The following DGKD variants were observed in gnomAD, a reference collection of about 807,000 sequenced individuals.
The protein encoded by DGKD is diacylglycerol kinase delta, also known as DAG kinase delta.
Under a neutral mutation model 154.4 loss-of-function variants are expected in DGKD, and 68 were observed. The ratio of observed to expected loss-of-function variants is 0.44; its 90% CI spans 0.36 to 0.54. DGKD has a LOEUF of 0.54. DGKD is among the 20% of genes least tolerant of loss of function. The pLI is 0.00. For synonymous variants in DGKD, 693 were observed against 638.0 expected, an observed-to-expected ratio of 1.09 and a Z score of -1.30; for missense variants, 1,343 against 1,593.6, an observed-to-expected ratio of 0.84 and a Z score of 2.68.
intron 3 of DGKD, among the ~76,000 whole-genome samples, chr2:233,427,961 C>T (rs2062368459): frequency 6.6e-6 from 1 of 152,208 alleles, no homozygotes; most frequent in African/African-American, 2.4e-5. Context: ...TATCTAGCCC[C>T]TGCTTTCTCG....
At chr2:233,376,218 G>A (rs758613595) in intron 1 of DGKD, among the ~76,000 whole-genome samples, 1 of 152,144 alleles carries the variant, frequency 6.6e-6, no homozygotes, top group Non-Finnish European at 1.5e-5. Context: ...AGGGTGACTG[G>A]TTATGGCTAT....
chr2:233,382,657 T>C (rs189552395), intron 1 of DGKD, among the ~76,000 whole-genome samples: 68 of 152,324 alleles, frequency 4.5e-4, no homozygotes, highest in African/African-American at 1.4e-3. Context: ...CTGTTTTTCA[T>C]TTGTTTGTCT....
chr2:233,403,651 T>A (rs1035963761), intron 3 of DGKD, among the ~76,000 whole-genome samples: 4 of 152,136 alleles, frequency 2.6e-5, no homozygotes, highest in South Asian at 2.1e-4. Context: ...TCAGACTTTT[T>A]TTTTTTTAGA....
At chr2:233,362,543 C>T (rs767156530) in intron 1 of DGKD, among the ~76,000 whole-genome samples, 3 of 152,054 alleles carry the variant, frequency 2.0e-5, no homozygotes, top group South Asian at 2.1e-4. Flanking sequence ...CCCAGCTACT[C>T]GGGAGGCTGA....
intron 3 of DGKD, among the ~76,000 whole-genome samples, chr2:233,397,916 A>C (rs1262422388): frequency 6.6e-6 from 1 of 151,944 alleles, no homozygotes; most frequent in Non-Finnish European, 1.5e-5. Context: ...TCAGGAGTCC[A>C]GAAGAGGGGC....
chr2:233,406,071 C>T (rs1259666392), intron 3 of DGKD, among the ~76,000 whole-genome samples: 2 of 152,186 alleles, frequency 1.3e-5, no homozygotes, highest in African/African-American at 4.8e-5. Context: ...ACTTGCTTTT[C>T]CCAGCTCCTG....
At chr2:233,428,358 T>C (rs1053614624) in intron 3 of DGKD, among the ~76,000 whole-genome samples, 10 of 152,190 alleles carry the variant, frequency 6.6e-5, no homozygotes, top group Admixed American at 1.3e-4. Context: ...GGTGGGACTC[T>C]CCTGTGACAT....
chr2:233,354,966 C>G lies in DGKD; in HGVS notation c.156+292C>G, dbSNP rs1300408235. 1.3e-5 allele frequency among the ~76,000 whole-genome samples: 2 copies of G among 150,306 alleles called. No individual in the cohort carries two copies. The highest frequency in any genetic ancestry group is 6.6e-5 in the Admixed American group (1 of 15,104). On this transcript the variant is annotated intron_variant, in intron 1 of 29. Coordinates refer to ENST00000264057, the MANE Select transcript of DGKD (RefSeq NM_152879.3). The surrounding 1 kb of genome is among the most constrained non-coding windows in gnomAD (Gnocchi z 4.8). ...GGGGGGCGCGCGCCGAGTTGGGCCG[C>G]GAGGACCCGGAGGAAACTGAGGCCT...
At position 233,363,803 on chromosome 2, in the gene DGKD, C is replaced by T. The variant is rs114286890; in HGVS notation, c.156+9129C>T. On this transcript the variant is annotated intron_variant, in intron 1 of 29. Transcript: ENST00000264057. ...GTTGAGTTATAGTTGCCTACAGTGT[C>T]AGCACAGTGATGTGCTCTATGGGTT... Among the ~76,000 whole-genome samples the T allele has an allele frequency of 4.3e-3, 648 of 152,338 alleles. 6 individuals are homozygous for T. Among genetic ancestry groups the T allele is most frequent in the African/African-American group, 0.015 (613 of 41,574 alleles).
At chr2:233,417,656 T>C (rs1009043186) in intron 3 of DGKD, among the ~76,000 whole-genome samples, 1 of 152,196 alleles carries the variant, frequency 6.6e-6, no homozygotes, top group Non-Finnish European at 1.5e-5. Flanking sequence ...TATAGATAAT[T>C]AAGTGCAGAT....
At position 233,394,242 on chromosome 2, in the gene DGKD, C is replaced by T. The variant is rs79026893; in HGVS notation, c.348+3759C>T. ...TTAATAAAGATTAATAAAGTAGTAG[C>T]TTTTTTTTTCTTCTTTCCTAGACAA... On this transcript the variant is annotated intron_variant, in intron 3 of 29. Coordinates refer to ENST00000264057, the MANE Select transcript of DGKD (RefSeq NM_152879.3). 6.0e-3 allele frequency among the ~76,000 whole-genome samples: 912 copies of T among 151,556 alleles called. 14 individuals carry two copies. The highest frequency in any genetic ancestry group is 0.021 in the African/African-American group (872 of 41,304).
intron 1 of DGKD, among the ~76,000 whole-genome samples, chr2:233,386,546 TA>T (rs1171410146): frequency 6.3e-5 from 1 of 15,820 alleles, no homozygotes; most frequent in Non-Finnish European, 1.2e-4. Context: ...CCGCTGTCTC[TA>T]GGGGAGGGGG....
At chr2:233,389,862 C>T (rs1001825350) in intron 2 of DGKD, among the ~76,000 whole-genome samples, 1 of 152,190 alleles carries the variant, frequency 6.6e-6, no homozygotes, top group Non-Finnish European at 1.5e-5. Flanking sequence ...CAGGATCCTT[C>T]TGCTCTACTC....
intron 3 of DGKD, among the ~76,000 whole-genome samples, chr2:233,413,710 T>C (rs569619679): frequency 6.6e-6 from 1 of 152,248 alleles, no homozygotes; most frequent in Non-Finnish European, 1.5e-5. Flanking sequence ...CACTGTGCTG[T>C]GACGGGAGCT....
chr2:233,374,691 G>T (rs1158881524), intron 1 of DGKD, among the ~76,000 whole-genome samples: 1 of 152,024 alleles, frequency 6.6e-6, no homozygotes, highest in Non-Finnish European at 1.5e-5. Context: ...CATCCAGGCT[G>T]CAGTGCAGTG....
chr2:233,360,826 G>A (rs1431465044), intron 1 of DGKD, among the ~76,000 whole-genome samples: 2 of 152,134 alleles, frequency 1.3e-5, no homozygotes, highest in South Asian at 2.1e-4. Flanking sequence ...AAATAGAGCC[G>A]GAGATTAGAG....
chr2:233,462,823 C>T, intron 26 of DGKD, 88 bp downstream of exon 26: 1 of 1,196,650 alleles, frequency 8.4e-7, no homozygotes, highest in Non-Finnish European at 1.2e-6. Flanking sequence ...GGGCAGCACA[C>T]TTTAGTCCAG....
At chr2:233,367,857 T>TC (rs1198859241) in intron 1 of DGKD, among the ~76,000 whole-genome samples, 400 of 145,478 alleles carry the variant, frequency 2.7e-3, no homozygotes, top group South Asian at 4.9e-3. Flanking sequence ...TTTTCTTTTT[T>TC]TTTTTTTTTT....
Position 233,434,821 on chromosome 2 carries a change from G to A in DGKD, c.506G>A (p.Cys169Tyr). 3.1e-6 allele frequency: 5 copies of A among 1,614,234 alleles called. No individual in the cohort carries two copies. The highest frequency in any genetic ancestry group is 4.2e-6 in the Non-Finnish European group (5 of 1,180,042). ...TCAGGGATGCACAATTGGTACGCCT[G>A]TTCCCACGCGAGGCCGACCTACTGC... is the stretch of plus-strand genomic sequence containing the variant. ...HFSGMHNWYA[C>Y]SHARPTYCNV... The change falls in exon 5 of 30, where the codon TGT becomes TAT. Residue 169 changes from cysteine (C) to tyrosine (Y), a missense_variant. Cys to Tyr is a radical substitution (Grantham distance 194, BLOSUM62 -2). This residue lies in a region of DGKD where 332 missense variants were observed against 400.1 expected (regional missense o/e 0.83). Coordinates refer to ENST00000264057, the MANE Select transcript of DGKD (RefSeq NM_152879.3).
Sources: allele counts gnomAD v4.1 joint callset (sites outside exome capture counted in the v4.1 genomes callset), GRCh38; gene constraint gnomAD v4.1.1; regional missense constraint gnomAD v4.1.1; non-coding constraint Gnocchi (gnomAD v3.1); transcripts MANE v1.5; gene names NCBI Gene and HGNC (gene_info 2026-07-23, HGNC 2026-07-21).